Variants in UMAD1 observed in about 807,000 individuals in gnomAD.
UMAD1 encodes the protein UBAP1-MVB12-associated (UMA)-domain containing protein 1.
Under a neutral mutation model 6.1 loss-of-function variants are expected in UMAD1, and 8 were observed. The ratio of observed to expected loss-of-function variants is 1.30; its 90% CI spans 0.76 to 2.35. The LOEUF (loss-of-function observed/expected upper bound fraction) is 2.35. Among genes scored for constraint, UMAD1 ranks in the 30% most tolerant of loss-of-function variants. The pLI is 0.00. For synonymous variants in UMAD1, 56 were observed against 31.4 expected (o/e 1.78, Z -2.61); for missense variants, 130 against 78.4 (o/e 1.66, Z -2.49).
intron 3 of UMAD1, among the ~76,000 whole-genome samples, chr7:7,829,246 A>T (rs776768446): frequency 6.6e-6 from 1 of 152,006 alleles, no homozygotes; most frequent in Non-Finnish European, 1.5e-5. Flanking sequence ...TTAAATTGTT[A>T]CTGAATGAGC....
intron 2 of UMAD1, among the ~76,000 whole-genome samples, chr7:7,687,540 C>T (rs781616319): frequency 3.2e-4 from 49 of 152,114 alleles, no homozygotes; most frequent in Non-Finnish European, 5.4e-4. Context: ...ACTGGAAGGC[C>T]GATCTATGCT....
intron 2 of UMAD1, among the ~76,000 whole-genome samples, chr7:7,751,888 G>A (rs372334118): frequency 2.0e-5 from 3 of 152,056 alleles, no homozygotes; most frequent in African/African-American, 4.8e-5. Context: ...CTACTCTGAC[G>A]GTCCTTCTAT....
rs145126668 is a variant in UMAD1, at chr7:7,707,650, G to T, written c.82+34197G>T. ...AAATGATATTTTGGAATTTAAAAAA[G>T]ACCTCTTTAGTTTTCTGTGATCCAA... On this transcript the variant is annotated intron_variant, in intron 2 of 3. Transcript: ENST00000682710. 2.9e-3 allele frequency among the ~76,000 whole-genome samples: 449 copies of T among 152,204 alleles called. 5 individuals carry two copies. Among genetic ancestry groups the T allele is most frequent in the African/African-American group, 0.01 (429 of 41,520 alleles).
chr7:7,746,977 G>C (rs112372943), intron 2 of UMAD1, among the ~76,000 whole-genome samples: 10,116 of 151,798 alleles, frequency 0.067, 340 homozygotes, highest in Middle Eastern at 0.095. Context: ...GTGTGTGTGT[G>C]TGTGTGTGTG....
intron 1 of UMAD1, among the ~76,000 whole-genome samples, chr7:7,667,543 C>A (rs1277313261): frequency 6.6e-6 from 1 of 152,124 alleles, no homozygotes; most frequent in Non-Finnish European, 1.5e-5. Context: ...TGTAAGTTCA[C>A]TGCTACACCT....
At chr7:7,774,279 G>A (rs943639162) in intron 2 of UMAD1, among the ~76,000 whole-genome samples, 2 of 152,158 alleles carry the variant, frequency 1.3e-5, no homozygotes, top group African/African-American at 4.8e-5. Flanking sequence ...AGAAACTGAG[G>A]CAGTTTTTAA....
chr7:7,701,460 C>T (rs767985864), intron 2 of UMAD1, among the ~76,000 whole-genome samples: 1 of 152,122 alleles, frequency 6.6e-6, no homozygotes, highest in Admixed American at 6.5e-5. Flanking sequence ...ATTTGCCATC[C>T]GTTGTTTGCT....
chr7:7,762,614 T>C (rs1203061349), intron 2 of UMAD1, among the ~76,000 whole-genome samples: 1 of 152,152 alleles, frequency 6.6e-6, no homozygotes, highest in Non-Finnish European at 1.5e-5. Flanking sequence ...AGAGACTTGC[T>C]TAGTGGGAGA....
At chr7:7,857,860 A>G (rs115645155) in intron 3 of UMAD1, among the ~76,000 whole-genome samples, 52 of 152,362 alleles carry the variant, frequency 3.4e-4, no homozygotes, top group African/African-American at 1.3e-3. Context: ...AAACATAAGT[A>G]TGATCATTAG....
At chr7:7,836,507 T>C (rs918357653) in intron 3 of UMAD1, among the ~76,000 whole-genome samples, 2 of 151,968 alleles carry the variant, frequency 1.3e-5, no homozygotes, top group Non-Finnish European at 2.9e-5. Context: ...GATAGGTGTG[T>C]CTCAAGGCCA....
intron 1 of UMAD1, among the ~76,000 whole-genome samples, chr7:7,672,022 T>G (rs78730866): frequency 6.6e-6 from 1 of 152,194 alleles, no homozygotes; most frequent in Non-Finnish European, 1.5e-5. Flanking sequence ...GTTCATATCC[T>G]TCTCTGATCT....
intron 1 of UMAD1, among the ~76,000 whole-genome samples, chr7:7,667,637 T>C (rs1218090100): frequency 6.6e-6 from 1 of 152,202 alleles, no homozygotes; most frequent in East Asian, 1.9e-4. Flanking sequence ...TCTTCATAGA[T>C]GTTGTGCAGG....
intron 1 of UMAD1, among the ~76,000 whole-genome samples, chr7:7,661,917 T>C (rs930364857): frequency 6.6e-5 from 10 of 152,074 alleles, no homozygotes; most frequent in African/African-American, 2.4e-4. Context: ...AGCTGCCCCT[T>C]CCCCCGAGGT....
At chr7:7,873,077 A>G (rs1469952587) in intron 3 of UMAD1, among the ~76,000 whole-genome samples, 2 of 152,228 alleles carry the variant, frequency 1.3e-5, no homozygotes, top group East Asian at 3.8e-4. Context: ...ACTTATAAAT[A>G]TAACTTTATT....
intron 3 of UMAD1, among the ~76,000 whole-genome samples, chr7:7,866,656 G>C (rs1583883456): frequency 6.6e-6 from 1 of 152,204 alleles, no homozygotes; most frequent in East Asian, 1.9e-4. Context: ...AAAAGGTTTG[G>C]TTAACAGCGG....
At chr7:7,662,342 G>C (rs1249019505) in intron 1 of UMAD1, among the ~76,000 whole-genome samples, 1 of 152,164 alleles carries the variant, frequency 6.6e-6, no homozygotes, top group Non-Finnish European at 1.5e-5. Context: ...TGGCGTTCTA[G>C]GGGCCAGTGG....
intron 2 of UMAD1, among the ~76,000 whole-genome samples, chr7:7,783,018 G>A (rs1271944931): frequency 6.6e-6 from 1 of 152,160 alleles, no homozygotes; most frequent in Non-Finnish European, 1.5e-5. Context: ...CAGGCATGAG[G>A]CATCGTGCCC....
chr7:7,872,212 A>G (rs1364663417), intron 3 of UMAD1, among the ~76,000 whole-genome samples: 2 of 152,246 alleles, frequency 1.3e-5, no homozygotes, highest in East Asian at 3.8e-4. Context: ...TAAAGTGAAA[A>G]TTGCATTAAA....
intron 2 of UMAD1, among the ~76,000 whole-genome samples, chr7:7,679,715 T>A (rs938919811): frequency 7.1e-6 from 1 of 140,460 alleles, no homozygotes; most frequent in African/African-American, 2.6e-5. Context: ...TAGATAAATA[T>A]ATATATATAT....
Sources: allele counts gnomAD v4.1 joint callset (sites outside exome capture counted in the v4.1 genomes callset), GRCh38; gene constraint gnomAD v4.1.1; transcripts MANE v1.5; gene names NCBI Gene and HGNC (gene_info 2026-07-23, HGNC 2026-07-21).